The following RIMOC1 variants were observed in gnomAD, a reference collection of about 807,000 sequenced individuals.
RIMOC1 encodes RAB7A interacting MON1-CCZ1 complex subunit 1.
chr5:41,908,938 T>A, the RIMOC1 span, among the ~76,000 whole-genome samples: 4 of 152,172 alleles, frequency 2.6e-5, no homozygotes, highest in Admixed American at 2.0e-4. Context: ...CTCCTCATGT[T>A]CACAGAAAGT....
chr5:41,916,963 G>A, the RIMOC1 span: 42 of 1,438,138 alleles, frequency 2.9e-5, no homozygotes, highest in Middle Eastern at 3.7e-4. Flanking sequence ...TAATAACTAC[G>A]GTTTCTTTTT....
At chr5:41,916,089 T>C in the RIMOC1 span, among the ~76,000 whole-genome samples, 2 of 152,252 alleles carry the variant, frequency 1.3e-5, no homozygotes, top group Non-Finnish European at 2.9e-5. Flanking sequence ...TCTTTTCTAA[T>C]CACAGAAGCA....
the RIMOC1 span, among the ~76,000 whole-genome samples, chr5:41,914,760 A>T: frequency 5.3e-5 from 8 of 152,010 alleles, no homozygotes; most frequent in Non-Finnish European, 2.9e-5. Flanking sequence ...ACAGAGTGAG[A>T]CCCTGTCTGA....
the RIMOC1 span, among the ~76,000 whole-genome samples, chr5:41,906,448 G>T: frequency 1.3e-5 from 2 of 152,108 alleles, no homozygotes; most frequent in South Asian, 4.1e-4. Context: ...TTTCAGCAAT[G>T]GTTTAGTGAG....
chr5:41,916,849 C>A, the RIMOC1 span, among the ~76,000 whole-genome samples: 2 of 152,068 alleles, frequency 1.3e-5, no homozygotes, highest in Non-Finnish European at 2.9e-5. Flanking sequence ...TTAAAAAATG[C>A]TAATTAAATG....
At chr5:41,905,317 T>C in the RIMOC1 span, among the ~76,000 whole-genome samples, 2 of 152,196 alleles carry the variant, frequency 1.3e-5, no homozygotes, top group African/African-American at 4.8e-5. Context: ...TTTTGCCAGA[T>C]TATCATTTAT....
chr5:41,910,948 C>T, the RIMOC1 span: 1 of 1,374,172 alleles, frequency 7.3e-7, no homozygotes, highest in Non-Finnish European at 1.0e-6. Context: ...CATTTTGTGA[C>T]TTGAGAATGT....
At chr5:41,904,736 G>T in the RIMOC1 span, among the ~76,000 whole-genome samples, 1 of 152,192 alleles carries the variant, frequency 6.6e-6, no homozygotes, top group African/African-American at 2.4e-5. Context: ...AACTGTCTCG[G>T]TAGCGATTGG....
chr5:41,909,844 TCTTTCAGAACC>T, the RIMOC1 span: 1 of 1,590,416 alleles, frequency 6.3e-7, no homozygotes, highest in Non-Finnish European at 8.5e-7. Flanking sequence ...TGATTAGTTT[TCTTTCAGAACC>T]AGAAATTTTA....
the RIMOC1 span, chr5:41,917,902 A>T: frequency 1.2e-6 from 1 of 841,260 alleles, no homozygotes; most frequent in Admixed American, 6.2e-5. Context: ...GGCATTTTAT[A>T]AAAATTTAAA....
At chr5:41,916,740 C>A in the RIMOC1 span, among the ~76,000 whole-genome samples, 1 of 151,860 alleles carries the variant, frequency 6.6e-6, no homozygotes, top group Non-Finnish European at 1.5e-5. Flanking sequence ...TAGAGTGGAC[C>A]CCAAAAAGGT....
At chr5:41,909,933 G>T in the RIMOC1 span, 1 of 1,452,546 alleles carries the variant, frequency 6.9e-7, no homozygotes, top group Non-Finnish European at 9.3e-7. Flanking sequence ...GAATATTGCT[G>T]GTACTTGCTG....
At chr5:41,911,029 C>G in the RIMOC1 span, 1,009 of 1,599,184 alleles carry the variant, frequency 6.3e-4, 9 homozygotes, top group East Asian at 0.018. Context: ...TTAGCTATGT[C>G]TTTTTTTGTG....
At chr5:41,906,728 C>T in the RIMOC1 span, among the ~76,000 whole-genome samples, 1 of 152,218 alleles carries the variant, frequency 6.6e-6, no homozygotes, top group East Asian at 1.9e-4. Context: ...GCAGCAGTCA[C>T]ATGATTGCCA....
the RIMOC1 span, chr5:41,918,417 A>T: frequency 1.0e-6 from 1 of 985,394 alleles, no homozygotes; most frequent in Non-Finnish European, 1.2e-6. Context: ...TTCCTCCTAA[A>T]CTGTCAGCCC....
the RIMOC1 span, among the ~76,000 whole-genome samples, chr5:41,915,142 T>C: frequency 6.6e-6 from 1 of 152,228 alleles, no homozygotes; most frequent in Non-Finnish European, 1.5e-5. Flanking sequence ...CACCTCTGAG[T>C]CTCATTCTTC....
chr5:41,904,524 C>G, the RIMOC1 span: 3 of 1,516,244 alleles, frequency 2.0e-6, no homozygotes, highest in East Asian at 7.0e-5. Context: ...GGTACTGGCG[C>G]TCGATGGCTG....
the RIMOC1 span, chr5:41,917,311 A>G: frequency 6.4e-7 from 1 of 1,572,532 alleles, no homozygotes; most frequent in South Asian, 1.2e-5. Context: ...AAGTTCATCT[A>G]GTCCTTTTCA....
the RIMOC1 span, chr5:41,908,163 G>A: frequency 5.5e-6 from 1 of 181,068 alleles, no homozygotes; most frequent in Non-Finnish European, 1.1e-5. Flanking sequence ...GAGCAGGGGA[G>A]TATATAAGGG....
Sources: gnomAD v4.1 joint callset for allele counts (sites outside exome capture counted in the v4.1 genomes callset) on GRCh38, gnomAD v4.1.1 for gene constraint, MANE v1.5 for transcripts, NCBI Gene and HGNC (gene_info 2026-07-23, HGNC 2026-07-21) for gene names.